Variants in SCLT1 observed in about 807,000 individuals in gnomAD.
SCLT1 encodes the protein sodium channel-associated protein 1.
A neutral mutation model predicts 112.8 loss-of-function variants in SCLT1; 78 were observed. The observed-to-expected ratio is 0.69, with a 90% CI of 0.58 to 0.83. The LOEUF (loss-of-function observed/expected upper bound fraction) is 0.83, where lower values mean the gene tolerates loss of function less well. Among genes scored for constraint, SCLT1 ranks in the 40% least tolerant of loss-of-function variants. The probability of loss-of-function intolerance (pLI) is 0.00; values close to 1 mark genes in which losing one functional copy is unlikely to be tolerated. For synonymous variants in SCLT1, 257 were observed against 254.7 expected, an observed-to-expected ratio of 1.01 and a Z score of -0.09; for missense variants, 747 against 770.4, an observed-to-expected ratio of 0.97 and a Z score of 0.36.
At chr4:128,924,990 G>C (rs1376321463) in intron 18 of SCLT1, among the ~76,000 whole-genome samples, 1 of 152,106 alleles carries the variant, frequency 6.6e-6, no homozygotes, top group African/African-American at 2.4e-5. Flanking sequence ...AGGGAAGCAA[G>C]CTACCACATT....
intron 2 of SCLT1, among the ~76,000 whole-genome samples, chr4:129,070,292 T>C (rs1170380911): frequency 6.6e-6 from 1 of 152,076 alleles, no homozygotes; most frequent in Non-Finnish European, 1.5e-5. Context: ...GGGAGGGTTC[T>C]TTCTTTCTCT....
At chr4:128,886,307 T>C (rs527242384) in intron 20 of SCLT1, among the ~76,000 whole-genome samples, 4 of 152,298 alleles carry the variant, frequency 2.6e-5, no homozygotes, top group South Asian at 2.1e-4. Context: ...AGGGCTTGTA[T>C]TGAACCAGTA....
intron 18 of SCLT1, among the ~76,000 whole-genome samples, chr4:128,924,989 A>G (rs1736179742): frequency 6.6e-6 from 1 of 152,018 alleles, no homozygotes; most frequent in Non-Finnish European, 1.5e-5. Context: ...GAGGGAAGCA[A>G]GCTACCACAT....
At chr4:129,029,821 C>G (rs1746531817) in intron 5 of SCLT1, among the ~76,000 whole-genome samples, 1 of 152,058 alleles carries the variant, frequency 6.6e-6, no homozygotes, top group Non-Finnish European at 1.5e-5. Context: ...AAAACAAGTT[C>G]TTACAGACCT....
intron 20 of SCLT1, among the ~76,000 whole-genome samples, chr4:128,885,651 G>A (rs1171783290): frequency 6.6e-6 from 1 of 152,102 alleles, no homozygotes; most frequent in Non-Finnish European, 1.5e-5. Flanking sequence ...TTATATGTTT[G>A]CTTCCTGGCA....
chr4:128,888,133 T>C (rs924101401), intron 20 of SCLT1, among the ~76,000 whole-genome samples: 1 of 152,118 alleles, frequency 6.6e-6, no homozygotes, highest in Non-Finnish European at 1.5e-5. Flanking sequence ...TTAAATTTAA[T>C]TTAATTTAAA....
At chr4:128,948,335 CAAAAAA>C (rs11312069) in intron 15 of SCLT1, among the ~76,000 whole-genome samples, 155 bp downstream of exon 15, 3 of 47,962 alleles carry the variant, frequency 6.3e-5, no homozygotes, top group Admixed American at 2.8e-4. Flanking sequence ...GACTCCATTG[CAAAAAA>C]AAAAAAAAAA....
chr4:128,965,193 A>G (rs578219085), intron 11 of SCLT1, 34 bp downstream of exon 11: 19 of 1,047,912 alleles, frequency 1.8e-5, no homozygotes, highest in African/African-American at 1.1e-4. Flanking sequence ...CTTTTAAAGC[A>G]TATCAACAAA....
intron 13 of SCLT1, 31 bp downstream of exon 13, chr4:128,956,995 C>T: frequency 1.6e-6 from 2 of 1,250,248 alleles, no homozygotes; most frequent in Non-Finnish European, 2.3e-6. Context: ...GACTTAAATT[C>T]TGAATTTTAA....
chr4:129,073,238 T>A (rs1470326649), intron 2 of SCLT1, among the ~76,000 whole-genome samples: 1 of 152,138 alleles, frequency 6.6e-6, no homozygotes, highest in Non-Finnish European at 1.5e-5. Flanking sequence ...AGAGGGTCTA[T>A]GGGTCCTCTT....
At chr4:129,038,753 T>C (rs1747412862) in intron 5 of SCLT1, among the ~76,000 whole-genome samples, 1 of 152,176 alleles carries the variant, frequency 6.6e-6, no homozygotes, top group Admixed American at 6.5e-5. Context: ...GGTAAGGTGA[T>C]TATTTTGTAT....
In SCLT1 at chr4:128,965,402, G is replaced by C; in HGVS notation, c.778-84C>G. ...ATACAGCATAAAGAAAACAGCTCAT[G>C]CTATAAAGTTATTATGCTATTAGCA... On this transcript the variant is annotated intron_variant, in intron 10 of 20. Coordinates refer to ENST00000281142, the MANE Select transcript of SCLT1 (RefSeq NM_144643.4). 3 of 829,816 alleles carry C rather than the reference G, an allele frequency of 3.6e-6. No homozygotes were observed. In the South Asian group the frequency reaches 4.6e-5, roughly 13 times the overall value. 51.4% of individuals were successfully genotyped at this position (829,816 alleles called of 1,614,324 possible).
At chr4:128,876,908 A>G (rs573098027) in intron 3 of SCLT1, among the ~76,000 whole-genome samples, 1 of 152,244 alleles carries the variant, frequency 6.6e-6, no homozygotes, top group African/African-American at 2.4e-5. Flanking sequence ...AATAGTGATC[A>G]AGGCCTGTGT....
At chr4:129,081,557 AAG>A (rs1043443866) in intron 2 of SCLT1, among the ~76,000 whole-genome samples, 6 of 152,114 alleles carry the variant, frequency 3.9e-5, no homozygotes, top group Admixed American at 3.9e-4. Flanking sequence ...GAGCAGGAGG[AAG>A]AGAGAGAATG....
chr4:128,956,342 T>G (rs1196164085), intron 13 of SCLT1, among the ~76,000 whole-genome samples: 1 of 152,218 alleles, frequency 6.6e-6, no homozygotes, highest in East Asian at 1.9e-4. Flanking sequence ...TCATCAAGAA[T>G]ATTTTAGGCT....
intron 5 of SCLT1, among the ~76,000 whole-genome samples, chr4:129,028,324 C>T (rs1489936140): frequency 2.0e-3 from 260 of 133,288 alleles, no homozygotes; most frequent in Admixed American, 2.7e-3. Flanking sequence ...GGTACCAAAA[C>T]AGAGATATAG....
At chr4:129,049,681 T>C (rs1279496899) in intron 2 of SCLT1, among the ~76,000 whole-genome samples, 1 of 151,970 alleles carries the variant, frequency 6.6e-6, no homozygotes, top group Non-Finnish European at 1.5e-5. Flanking sequence ...ATATACAGTT[T>C]TTCCAGCACT....
rs745715646 is a variant in SCLT1 at position 129,066,773 on chromosome 4, T to C, written c.102+15533A>G. Among the ~76,000 whole-genome samples, 141 of 152,056 alleles carry C rather than the reference T, an allele frequency of 9.3e-4. 2 individuals are homozygous for C. Among genetic ancestry groups the C allele is most frequent in the Non-Finnish European group, 9.3e-4 (63 of 67,950 alleles). Reference sequence around the variant, plus strand: ...CACATAATAGCTTTTGCAGGATACATACAGCATGCTATCATCACTTATTAG... The same window carrying C: ...CACATAATAGCTTTTGCAGGATACACACAGCATGCTATCATCACTTATTAG... On this transcript the variant is annotated intron_variant, in intron 2 of 20. Coordinates refer to ENST00000281142, the MANE Select transcript of SCLT1 (RefSeq NM_144643.4).
intron 6 of SCLT1, among the ~76,000 whole-genome samples, chr4:129,001,456 C>T (rs1194494016): frequency 6.6e-6 from 1 of 152,022 alleles, no homozygotes; most frequent in Admixed American, 6.6e-5. Context: ...TACAATTTAA[C>T]TGATTCCATA....
Sources: allele counts gnomAD v4.1 joint callset (sites outside exome capture counted in the v4.1 genomes callset), GRCh38; gene constraint gnomAD v4.1.1; transcripts MANE v1.5; gene names NCBI Gene and HGNC (gene_info 2026-07-23, HGNC 2026-07-21).